XKR9: variants seen among roughly 807,000 people sequenced by gnomAD.
XKR9 encodes the protein XK related 9.
Under a neutral mutation model 32.0 loss-of-function variants are expected in XKR9, and 32 were observed. The observed-to-expected ratio is 1.00, with a 90% CI of 0.76 to 1.34. XKR9 has a LOEUF of 1.34. Among genes scored for constraint, XKR9 ranks in the 40% most tolerant of loss-of-function variants. XKR9 has a pLI of 0.00. For synonymous variants in XKR9, 168 were observed against 143.4 expected (o/e 1.17, Z -1.22); for missense variants, 546 against 429.7 (o/e 1.27, Z -2.39).
At chr8:70,733,715 G>A in intron 4 of XKR9, 81 bp from the exon 5 acceptor site, 1 of 1,303,124 alleles carries the variant, frequency 7.7e-7, no homozygotes, top group Non-Finnish European at 1.0e-6. Context: ...TGTGTATATA[G>A]ATATAGCATG....
the XKR9 span, among the ~76,000 whole-genome samples, chr8:71,045,590 A>G: frequency 6.6e-6 from 1 of 152,132 alleles, no homozygotes; most frequent in South Asian, 2.1e-4. Flanking sequence ...GGAGAAGAGG[A>G]TGGGAGGCAA....
chr8:71,032,033 G>A, the XKR9 span, among the ~76,000 whole-genome samples: 3 of 152,110 alleles, frequency 2.0e-5, no homozygotes, highest in Non-Finnish European at 4.4e-5. Flanking sequence ...GGTGGCTTAC[G>A]CCTGTAATCC....
At chr8:70,673,097 C>T (rs1386550533) in intron 1 of XKR9, among the ~76,000 whole-genome samples, 1 of 152,026 alleles carries the variant, frequency 6.6e-6, no homozygotes, top group Non-Finnish European at 1.5e-5. Context: ...TTATTTTAGT[C>T]GTATGTGCTT....
intron 1 of XKR9, among the ~76,000 whole-genome samples, chr8:70,673,309 A>G (rs927222645): frequency 1.3e-5 from 2 of 152,188 alleles, no homozygotes; most frequent in African/African-American, 4.8e-5. Context: ...TCTGGATTCC[A>G]TTTAATCAAT....
At chr8:70,750,524 G>A (rs1383309099) in intron 2 of XKR9, among the ~76,000 whole-genome samples, 1 of 152,120 alleles carries the variant, frequency 6.6e-6, no homozygotes, top group Non-Finnish European at 1.5e-5. Context: ...GGTATCTGTA[G>A]ATGTACATCT....
At chr8:70,918,767 C>CAT in the XKR9 span, among the ~76,000 whole-genome samples, 1 of 87,812 alleles carries the variant, frequency 1.1e-5, no homozygotes, top group Non-Finnish European at 2.5e-5. Context: ...ATCATGGGAT[C>CAT]CTTTTTTTTT....
At chr8:70,856,925 C>T in the XKR9 span, among the ~76,000 whole-genome samples, 574 of 152,072 alleles carry the variant, frequency 3.8e-3, 3 homozygotes, top group African/African-American at 0.011. Flanking sequence ...TTGAAACCAA[C>T]GACAACAAAG....
chr8:70,812,319 A>T, the XKR9 span, among the ~76,000 whole-genome samples: 1 of 152,190 alleles, frequency 6.6e-6, no homozygotes, highest in Non-Finnish European at 1.5e-5. Flanking sequence ...TGTACGACAA[A>T]CCCACAGCCA....
chr8:70,979,553 G>A, the XKR9 span, among the ~76,000 whole-genome samples: 3 of 152,250 alleles, frequency 2.0e-5, no homozygotes, highest in Middle Eastern at 3.4e-3. Flanking sequence ...TGTTTTCCTG[G>A]GTATCTCCAG....
chr8:70,731,458 T>C (rs550594025), intron 4 of XKR9, among the ~76,000 whole-genome samples: 1 of 152,320 alleles, frequency 6.6e-6, no homozygotes, highest in African/African-American at 2.4e-5. Context: ...AAGCCACCTT[T>C]TCTGTTTTAT....
chr8:70,900,875 T>A, the XKR9 span, among the ~76,000 whole-genome samples: 1 of 152,192 alleles, frequency 6.6e-6, no homozygotes, highest in Non-Finnish European at 1.5e-5. Flanking sequence ...GTTCTCATTG[T>A]TCAATTCCCA....
At chr8:70,964,134 C>CT in the XKR9 span, among the ~76,000 whole-genome samples, 3 of 151,954 alleles carry the variant, frequency 2.0e-5, no homozygotes, top group Non-Finnish European at 4.4e-5. Context: ...CTTGAGTTAA[C>CT]TTTTTTGTAT....
At chr8:70,906,376 C>T in the XKR9 span, among the ~76,000 whole-genome samples, 1 of 152,158 alleles carries the variant, frequency 6.6e-6, no homozygotes, top group African/African-American at 2.4e-5. Flanking sequence ...AATTTTTAGA[C>T]TTGAGGTTAG....
At chr8:70,940,659 A>G in the XKR9 span, among the ~76,000 whole-genome samples, 1 of 152,126 alleles carries the variant, frequency 6.6e-6, no homozygotes, top group African/African-American at 2.4e-5. Flanking sequence ...TTTCCCATAA[A>G]TAGTAGATGA....
chr8:70,778,723 G>T (rs928652712), intron 2 of XKR9, among the ~76,000 whole-genome samples: 1 of 152,102 alleles, frequency 6.6e-6, no homozygotes, highest in Non-Finnish European at 1.5e-5. Context: ...GTGAATGGGA[G>T]TTCACTCATG....
chr8:70,701,188 A>G (rs1301052596), intron 3 of XKR9, among the ~76,000 whole-genome samples: 1 of 152,044 alleles, frequency 6.6e-6, no homozygotes, highest in Non-Finnish European at 1.5e-5. Context: ...AGTGTGCTGC[A>G]CTCACTGTCC....
At chr8:70,885,818 G>C in the XKR9 span, among the ~76,000 whole-genome samples, 10 of 152,078 alleles carry the variant, frequency 6.6e-5, no homozygotes, top group Middle Eastern at 3.2e-3. Flanking sequence ...GGATGGTCTC[G>C]ATCTCCTGAC....
At chr8:71,022,609 G>T in the XKR9 span, among the ~76,000 whole-genome samples, 17 of 152,100 alleles carry the variant, frequency 1.1e-4, no homozygotes, top group South Asian at 3.3e-3. Context: ...AACCTTTTTG[G>T]GTTGTATCTA....
At chr8:70,810,293 C>G in the XKR9 span, among the ~76,000 whole-genome samples, 1 of 152,170 alleles carries the variant, frequency 6.6e-6, no homozygotes, top group Non-Finnish European at 1.5e-5. Flanking sequence ...GAAGGAAGCA[C>G]TAAACATGGA....
Sources: gnomAD v4.1 joint callset for allele counts (sites outside exome capture counted in the v4.1 genomes callset) on GRCh38, gnomAD v4.1.1 for gene constraint, MANE v1.5 for transcripts, NCBI Gene and HGNC (gene_info 2026-07-23, HGNC 2026-07-21) for gene names.